Variants in PLA2G12A observed in about 807,000 individuals in gnomAD.
PLA2G12A encodes the protein group XIIA secretory phospholipase A2.
A neutral mutation model predicts 16.0 loss-of-function variants in PLA2G12A; 11 were observed. The ratio of observed to expected loss-of-function variants is 0.69; its 90% CI spans 0.43 to 1.13. The LOEUF (loss-of-function observed/expected upper bound fraction) is 1.13. Ranked by LOEUF, PLA2G12A falls within the 50% of genes most tolerant of loss-of-function variation. PLA2G12A has a pLI of 0.00. For synonymous variants in PLA2G12A, 77 were observed against 93.8 expected (o/e 0.82, Z 1.03); for missense variants, 214 against 237.3 (o/e 0.90, Z 0.65).
chr4:109,730,053 A>G lies in PLA2G12A; in HGVS notation c.-244T>C. 4.8e-6 allele frequency: 2 copies of G among 420,996 alleles called. No individual in the cohort carries two copies. The allele number at this position is 420,996 out of a possible 1,614,324, so 26.1% of individuals were successfully genotyped here. A position where few individuals can be genotyped will look rare whatever the true frequency, so the allele number is the denominator to read the frequency against. ...ACCAGCGCGCCCGCTCACCTGGGCC[A>G]GCAACCGTCCCCTGTGCGCCTGCGC... On this transcript the variant is annotated 5_prime_UTR_variant, in exon 1 of 4. Coordinates refer to ENST00000243501, the MANE Select transcript of PLA2G12A (RefSeq NM_030821.5).
At position 109,729,845 on chromosome 4, in the gene PLA2G12A, C is replaced by T. The variant is rs576870825; in HGVS notation, c.-36G>A. 3 of 1,526,870 alleles carry T rather than the reference C, an allele frequency of 2.0e-6. No individual in the cohort carries two copies. The African/African-American group carries it at 4.2e-5, about 21-fold the overall frequency. The allele number at this position is 1,526,870 out of a possible 1,614,324, so 94.6% of individuals were successfully genotyped here. A position where few individuals can be genotyped will look rare whatever the true frequency, so the allele number is the denominator to read the frequency against. ...CCGGGCTCTACGGGTCCCCGAGCCG[C>T]GGCGCGGGGCGCGTCCCCACAGAGT... On this transcript the variant is annotated 5_prime_UTR_variant, in exon 1 of 4. Coordinates refer to ENST00000243501, the MANE Select transcript of PLA2G12A (RefSeq NM_030821.5).
chr4:109,729,972 T>C lies in PLA2G12A; in HGVS notation c.-163A>G, dbSNP rs896627818. On this transcript the variant is annotated 5_prime_UTR_variant, in exon 1 of 4. Transcript: ENST00000243501. ...CTGGCCCTCAGGATCTCGCTGTCTT[T>C]ACGTGAACCGCCTCGGGCAGGCAGC... The C allele has an allele frequency of 3.3e-6, 2 of 603,578 alleles. No homozygotes were observed. The highest frequency in any genetic ancestry group is 4.6e-4 in the Middle Eastern group (1 of 2,186). 37.4% of individuals were successfully genotyped at this position (603,578 alleles called of 1,614,324 possible).
At chr4:109,717,508 A>C (rs766133523) in intron 3 of PLA2G12A, 40 bp downstream of exon 3, 1 of 1,574,884 alleles carries the variant, frequency 6.3e-7, no homozygotes, top group Non-Finnish European at 8.7e-7. Context: ...ATACAACTTT[A>C]AAAAGTACAC....
At chr4:109,729,029 TGAG>T (rs1722991054) in intron 1 of PLA2G12A, among the ~76,000 whole-genome samples, 1 of 152,078 alleles carries the variant, frequency 6.6e-6, no homozygotes, top group Non-Finnish European at 1.5e-5. Flanking sequence ...TAACCAACAA[TGAG>T]GAGGAGGCGG....
rs67674001 is a variant in PLA2G12A at position 109,711,053 on chromosome 4, C to CTTTTTTTTTTTTTTTTTTTTTTT, written c.*3301_*3323dup. On this transcript the variant is annotated 3_prime_UTR_variant, in exon 4 of 4. Transcript: ENST00000243501. ...AGAGCTGCTGACAGTTAGTTCTTGC[C>CTTTTTTTTTTTTTTTTTTTTTTT]TTTTTTTTTTTTTTTTTTTTTTTGC... 16 of 57,242 alleles carry CTTTTTTTTTTTTTTTTTTTTTTT rather than the reference C, an allele frequency of 2.8e-4. No homozygotes were observed. Among genetic ancestry groups the CTTTTTTTTTTTTTTTTTTTTTTT allele is most frequent in the African/African-American group, 5.9e-4 (7 of 11,900 alleles). 3.5% of individuals were successfully genotyped at this position (57,242 alleles called of 1,614,324 possible).
chr4:109,718,800 ATAAAAG>A, intron 1 of PLA2G12A, 41 bp from the exon 2 acceptor site: 1 of 1,363,808 alleles, frequency 7.3e-7, no homozygotes, highest in Non-Finnish European at 1.0e-6. Flanking sequence ...TTCAAATATG[ATAAAAG>A]TAAAATACAT....
At chr4:109,714,916 T>C (rs1412140653) in intron 3 of PLA2G12A, among the ~76,000 whole-genome samples, 1 of 151,788 alleles carries the variant, frequency 6.6e-6, no homozygotes, top group Non-Finnish European at 1.5e-5. Flanking sequence ...TTAAATTTAA[T>C]TTTTAATTTT....
In PLA2G12A at chr4:109,729,691, T is replaced by C; in HGVS notation, c.119A>G (p.Asn40Ser). 1 of 1,611,270 alleles carries C rather than the reference T, an allele frequency of 6.2e-7. No homozygotes were observed. The highest frequency in any genetic ancestry group is 8.5e-7 in the Non-Finnish European group (1 of 1,179,544). ...GTACGTGTCTATCTTATGAACGCCG[T>C]TCCGGATGGTCTTCAGGGTGGCTCT... ...DWRATLKTIR[N>S]GVHKIDTYLN... is the part of the protein sequence containing the mutation. Residue 40 changes from asparagine (N) to serine (S), a missense_variant, in exon 1 of 4, where the codon AAC becomes AGC. Physicochemically the swap from Asn to Ser is conservative, Grantham distance 46 (BLOSUM62 1). Transcript: ENST00000243501.
chr4:109,721,762 TTTCAG>T (rs1340286775), intron 1 of PLA2G12A, among the ~76,000 whole-genome samples: 8 of 152,264 alleles, frequency 5.3e-5, no homozygotes, highest in South Asian at 2.1e-4. Flanking sequence ...AGTTTGCTGT[TTTCAG>T]TTAACAGTAA....
Position 109,711,303 on chromosome 4 carries a change from C to A in PLA2G12A, c.*3074G>T, listed in dbSNP as rs1440330714. The A allele has an allele frequency of 1.3e-5, 2 of 152,142 alleles. No individual in the cohort carries two copies. Among genetic ancestry groups the A allele is most frequent in the Non-Finnish European group, 2.9e-5 (2 of 68,028 alleles). 9.4% of individuals were successfully genotyped at this position (152,142 alleles called of 1,614,324 possible). ...AGTGACATCCCAGTAGCAACAAGCA[C>A]ATCTAATGCCCAGATCTTGGTTTCT... On this transcript the variant is annotated 3_prime_UTR_variant, in exon 4 of 4. Transcript: ENST00000243501.
intron 1 of PLA2G12A, among the ~76,000 whole-genome samples, chr4:109,720,516 GC>G (rs1730903362): frequency 7.6e-6 from 1 of 131,230 alleles, no homozygotes; most frequent in African/African-American, 2.9e-5. Flanking sequence ...AGGTTGAGGT[GC>G]CTGAGCCCAG....
chr4:109,715,324 G>A (rs1027820773), intron 3 of PLA2G12A, among the ~76,000 whole-genome samples: 4 of 152,082 alleles, frequency 2.6e-5, no homozygotes, highest in African/African-American at 9.7e-5. Flanking sequence ...TGGCTTCTGA[G>A]GACTGATCAT....
intron 1 of PLA2G12A, among the ~76,000 whole-genome samples, chr4:109,720,326 TCATTTAA>T (rs2126167280): frequency 6.6e-6 from 1 of 152,174 alleles, no homozygotes; most frequent in Non-Finnish European, 1.5e-5. Context: ...CCGCCAATTT[TCATTTAA>T]CATTTATTGG....
chr4:109,714,731 A>ATTT (rs369832658), intron 3 of PLA2G12A, among the ~76,000 whole-genome samples: 6 of 130,156 alleles, frequency 4.6e-5, no homozygotes, highest in Admixed American at 7.7e-5. Flanking sequence ...GTTTAACCCA[A>ATTT]TTTTTTTTTT....
chr4:109,729,664 A>G lies in PLA2G12A; in HGVS notation c.146T>C (p.Leu49Pro). The G allele has an allele frequency of 6.2e-7, 1 of 1,611,920 alleles. No homozygotes were observed. Among genetic ancestry groups the G allele is most frequent in the Non-Finnish European group, 8.5e-7 (1 of 1,179,806 alleles). Residue 49 changes from leucine (L) to proline (P), a missense_variant, in exon 1 of 4, where the codon CTG (leucine) becomes CCG (proline). Leu to Pro is a moderately conservative substitution (Grantham distance 98). Transcript: ENST00000243501. ...RNGVHKIDTY[L>P]NAALDLLGGE... is the part of the protein sequence containing the mutation. ...TCCCAGGAGGTCCAAGGCGGCGTTC[A>G]GGTACGTGTCTATCTTATGAACGCC...
At chr4:109,725,331 T>TA (rs1722912848) in intron 1 of PLA2G12A, among the ~76,000 whole-genome samples, 1 of 152,264 alleles carries the variant, frequency 6.6e-6, no homozygotes, top group African/African-American at 2.4e-5. Context: ...GCAAGTTATA[T>TA]AGACAGTTCT....
At position 109,712,386 on chromosome 4, in the gene PLA2G12A, A is replaced by G. The variant is rs553461152; in HGVS notation, c.*1991T>C. ...TTTGTATAATTTGTGATCACGAATT[A>G]TATTTTATAACGATATTGAGTTTGT... On this transcript the variant is annotated 3_prime_UTR_variant, in exon 4 of 4. Coordinates refer to ENST00000243501, the MANE Select transcript of PLA2G12A (RefSeq NM_030821.5). 2 of 152,320 alleles carry G rather than the reference A, an allele frequency of 1.3e-5. No homozygotes were observed. The highest frequency in any genetic ancestry group is 2.4e-5 in the African/African-American group (1 of 41,560). 9.4% of individuals were successfully genotyped at this position (152,320 alleles called of 1,614,324 possible).
intron 3 of PLA2G12A, among the ~76,000 whole-genome samples, chr4:109,715,210 T>C (rs985004067): frequency 9.2e-5 from 14 of 152,206 alleles, no homozygotes; most frequent in Admixed American, 3.9e-4. Flanking sequence ...ACTAACAGAG[T>C]TGTCTGATAA....
intron 1 of PLA2G12A, among the ~76,000 whole-genome samples, chr4:109,721,319 CTTTT>C (rs531961276): frequency 1.5e-5 from 2 of 136,602 alleles, no homozygotes; most frequent in Non-Finnish European, 1.6e-5. Flanking sequence ...GTCCTTCATT[CTTTT>C]TTTTTTTTTT....
Sources: gnomAD v4.1 joint callset for allele counts (sites outside exome capture counted in the v4.1 genomes callset) on GRCh38, gnomAD v4.1.1 for gene constraint, MANE v1.5 for transcripts, NCBI Gene and HGNC (gene_info 2026-07-23, HGNC 2026-07-21) for gene names.